The following LRRC71 variants were observed in gnomAD, a reference collection of about 807,000 sequenced individuals.
LRRC71 encodes the protein leucine rich repeat containing 71.
In LRRC71, 54 loss-of-function variants were observed where a neutral mutation model predicts 66.6. That is an observed-to-expected ratio of 0.81 (90% CI 0.65 to 1.02). The LOEUF (loss-of-function observed/expected upper bound fraction) is 1.02, where lower values mean the gene tolerates loss of function less well. Ranked by LOEUF, LRRC71 falls within the 50% of genes least tolerant of loss-of-function variation. LRRC71 has a pLI of 0.00. For missense variants in LRRC71, 724 were observed against 718.0 expected (o/e 1.01, Z -0.10); for synonymous variants, 323 against 303.9 (o/e 1.06, Z -0.65).
At chr1:156,924,832 G>A in intron 4 of LRRC71, 106 bp from the exon 5 acceptor site, 1 of 1,502,648 alleles carries the variant, frequency 6.7e-7, no homozygotes, top group Non-Finnish European at 9.1e-7. Context: ...GGGAGGTCGG[G>A]GGTGGGGGAT....
At chr1:156,938,266 G>A in the LRRC71 span, 12 of 662,338 alleles carry the variant, frequency 1.8e-5, no homozygotes, top group African/African-American at 3.7e-5. Context: ...AGATCTCCCC[G>A]TCTTTAGAGC....
chr1:156,930,060 T>TTTTCTTTCTTTCTTTCTTTTTC (rs1654092808), intron 11 of LRRC71, among the ~76,000 whole-genome samples: 2 of 126,182 alleles, frequency 1.6e-5, no homozygotes, highest in Admixed American at 1.6e-4. Flanking sequence ...CTTTCTTTCT[T>TTTTCTTTCTTTCTTTCTTTTTC]TTTCTTTCTT....
downstream of LRRC71, among the ~76,000 whole-genome samples, chr1:156,936,492 AAAAAAATAT>A (rs1265367812): frequency 2.1e-5 from 2 of 95,486 alleles, no homozygotes; most frequent in Admixed American, 1.2e-4. Context: ...AAAAAAAAAA[AAAAAAATAT>A]ATATATATAT....
At chr1:156,922,602 T>C (rs822436) in intron 1 of LRRC71, among the ~76,000 whole-genome samples, 45,235 of 152,122 alleles carry the variant, frequency 0.3, 9,434 homozygotes, top group African/African-American at 0.6. Context: ...CAGGTAACTA[T>C]CTGCTAAAGT....
intron 12 of LRRC71, among the ~76,000 whole-genome samples, chr1:156,931,552 T>G (rs574203371): frequency 2.6e-5 from 4 of 152,332 alleles, no homozygotes; most frequent in African/African-American, 9.6e-5. Flanking sequence ...ACATACTGTT[T>G]CACGCTTCCA....
chr1:156,929,789 C>T (rs767997685), intron 11 of LRRC71, 60 bp downstream of exon 11: 38 of 1,431,378 alleles, frequency 2.7e-5, no homozygotes, highest in Admixed American at 4.2e-5. Flanking sequence ...AGTGCCGGGC[C>T]GGGTGCAGGA....
rs1416850411 is a variant in LRRC71 at position 156,927,611 on chromosome 1, G to T, written c.778G>T (p.Gly260Cys). 1 of 1,602,360 alleles carries T rather than the reference G, an allele frequency of 6.2e-7. No individual in the cohort carries two copies. Among genetic ancestry groups the T allele is most frequent in the South Asian group, 1.1e-5 (1 of 89,258 alleles). The part of the protein sequence containing the change: ...CNRTLVSLNL[G>C]FNHIGDEGAG... Reference sequence around the variant, plus strand: ...CCGGACCCTCGTCTCGCTCAACCTGGGTTTCAACCACATCGGTGACGAGGG... The same window carrying T: ...CCGGACCCTCGTCTCGCTCAACCTGTGTTTCAACCACATCGGTGACGAGGG... The change falls in exon 7 of 15, where the codon GGT becomes TGT. Residue 260 changes from glycine to cysteine, a missense_variant. Coordinates refer to ENST00000337428, the MANE Select transcript of LRRC71 (RefSeq NM_144702.3).
the LRRC71 span, chr1:156,940,436 T>A: frequency 1.9e-6 from 3 of 1,590,714 alleles, no homozygotes; most frequent in Non-Finnish European, 2.6e-6. Flanking sequence ...CTGTTTCGGA[T>A]GAGAGAAGAT....
chr1:156,929,734 G>A lies in LRRC71; in HGVS notation c.1240+5G>A, dbSNP rs1377785340. 27 of 1,557,606 alleles carry A rather than the reference G, an allele frequency of 1.7e-5. No homozygotes were observed. The highest frequency in any genetic ancestry group is 2.4e-5 in the East Asian group (1 of 41,364). On this transcript the variant is annotated splice_donor_5th_base_variant and intron_variant, in intron 11 of 14. Transcript: ENST00000337428. ...CCACAAAGGCAGGCAAGGGGAGTAAGTGCGGGTGCCCCTGGGTGGCATCTT... is the reference window on the plus strand; with the variant it reads ...CCACAAAGGCAGGCAAGGGGAGTAAATGCGGGTGCCCCTGGGTGGCATCTT...
rs1235952889 is a variant in LRRC71 at position 156,924,109 on chromosome 1, G to A, written c.310+11G>A. The A allele has an allele frequency of 1.9e-6, 3 of 1,544,674 alleles. No homozygotes were observed. The Admixed American group carries it at 5.9e-5, about 31-fold the overall frequency. ...AAAAGGCCACCTTAGGTGAGTGACA[G>A]TGGAGCTCCCCGGTGCCTGCCAGGG... On this transcript the variant is annotated intron_variant, in intron 2 of 14. Transcript: ENST00000337428.
chr1:156,940,372 G>C, the LRRC71 span: 3 of 1,613,446 alleles, frequency 1.9e-6, no homozygotes, highest in Non-Finnish European at 1.7e-6. Context: ...TCCTGCTCAG[G>C]GTCCTCTAGC....
At position 156,927,541 on chromosome 1, in the gene LRRC71, G is replaced by T. The variant is rs1245107910; in HGVS notation, c.708G>T (p.Gly236=). The T allele has an allele frequency of 2.6e-6, 4 of 1,558,324 alleles. No homozygotes were observed. The highest frequency in any genetic ancestry group is 2.6e-6 in the Non-Finnish European group (3 of 1,153,474). ...SLRNNNIDDR[G]AQLLGQALST... ...GGAACAATAACATCGACGACCGCGG[G>T]GCGCAACTCCTGGGCCAGGCGCTGT... Residue 236 remains glycine (G), a synonymous_variant, in exon 7 of 15, where the codon GGG becomes GGT. Coordinates refer to ENST00000337428, the MANE Select transcript of LRRC71 (RefSeq NM_144702.3).
intron 14 of LRRC71, 84 bp downstream of exon 14, chr1:156,932,629 G>C (rs760726348): frequency 9.9e-5 from 160 of 1,613,392 alleles, no homozygotes; most frequent in Non-Finnish European, 1.3e-4. Context: ...GGCAGCTTCT[G>C]TCTCCCCATT....
chr1:156,935,254 C>CAGGG (rs1654852483), downstream of LRRC71: 1 of 152,150 alleles, frequency 6.6e-6, no homozygotes, highest in African/African-American at 2.4e-5. Context: ...ATGAGAAGTC[C>CAGGG]AGGGAGGGAG....
At position 156,932,502 on chromosome 1, in the gene LRRC71, G is replaced by A; in HGVS notation, c.1520G>A (p.Ser507Asn). 6.2e-7 allele frequency: 1 copy of A among 1,613,966 alleles called. No individual in the cohort carries two copies. Among genetic ancestry groups the A allele is most frequent in the Non-Finnish European group, 8.5e-7 (1 of 1,179,860 alleles). ...QYQMQFSKAK[S>N]ASKGPVGLLW... is the part of the protein sequence containing the mutation. ...CAGATGCAGTTCTCCAAGGCCAAGA[G>A]TGCATCCAAGGGTCCAGTGGGGCTG... The change falls in exon 14 of 15, where the codon AGT becomes AAT. Residue 507 changes from serine (S) to asparagine (N), a missense_variant. Coordinates refer to ENST00000337428, the MANE Select transcript of LRRC71 (RefSeq NM_144702.3).
At chr1:156,924,225 G>T in intron 2 of LRRC71, 127 bp downstream of exon 2, 1 of 1,261,180 alleles carries the variant, frequency 7.9e-7, no homozygotes, top group Non-Finnish European at 1.1e-6. Flanking sequence ...GGTATTCGAC[G>T]AGGCCGGTGG....
intron 2 of LRRC71, among the ~76,000 whole-genome samples, 152 bp downstream of exon 2, chr1:156,924,250 C>T (rs1314189737): frequency 6.6e-6 from 1 of 152,038 alleles, no homozygotes. Flanking sequence ...GTGGGGGAGT[C>T]TCCCGTCTTC....
downstream of LRRC71, chr1:156,936,806 C>T: frequency 6.2e-7 from 1 of 1,610,618 alleles, no homozygotes; most frequent in Non-Finnish European, 8.5e-7. Flanking sequence ...AGGGACCTGG[C>T]TTCACTCACC....
intron 1 of LRRC71, 107 bp downstream of exon 1, chr1:156,921,070 C>T: frequency 8.0e-7 from 1 of 1,242,432 alleles, no homozygotes; most frequent in Non-Finnish European, 1.1e-6. Context: ...TACATACCTA[C>T]GTTGAGTTCC....
Sources: allele counts gnomAD v4.1 joint callset (sites outside exome capture counted in the v4.1 genomes callset), GRCh38; gene constraint gnomAD v4.1.1; transcripts MANE v1.5; gene names NCBI Gene and HGNC (gene_info 2026-07-23, HGNC 2026-07-21).